YARS1: variants seen among roughly 807,000 people sequenced by gnomAD.
YARS1 encodes tyrosyl-tRNA synthetase 1.
YARS1 carries 36 observed loss-of-function variants against 62.2 expected under a neutral mutation model. That is an observed-to-expected ratio of 0.58 (90% confidence interval 0.44 to 0.76). The LOEUF is 0.76. YARS1 is among the 30% of genes least tolerant of loss of function. The probability of loss-of-function intolerance (pLI) is 0.00; values close to 1 mark genes in which losing one functional copy is unlikely to be tolerated. For synonymous variants in YARS1, 234 were observed against 244.9 expected, an observed-to-expected ratio of 0.96 and a Z score of 0.42; for missense variants, 524 against 639.8, an observed-to-expected ratio of 0.82 and a Z score of 1.95.
intron 4 of YARS1, among the ~76,000 whole-genome samples, chr1:32,798,876 A>G (rs1255222845): frequency 6.6e-6 from 1 of 152,142 alleles, no homozygotes; most frequent in Non-Finnish European, 1.5e-5. Flanking sequence ...GTCACTTATG[A>G]CATGCCAGGC....
At chr1:32,796,998 ATATATATATATATATATATATATATATAT>A (rs1653618394) in intron 5 of YARS1, among the ~76,000 whole-genome samples, 1 of 5,506 alleles carries the variant, frequency 1.8e-4, no homozygotes, top group African/African-American at 9.7e-4. Flanking sequence ...AAAAAAAAAT[ATATATATATATATATATATATATATATAT>A]ATATATATAT....
intron 12 of YARS1, among the ~76,000 whole-genome samples, chr1:32,778,363 G>A (rs554735409): frequency 1.1e-4 from 16 of 152,214 alleles, no homozygotes; most frequent in Admixed American, 7.2e-4. Context: ...AGATGGGCAG[G>A]AGGGACCCTG....
chr1:32,798,009 T>C, intron 4 of YARS1, 166 bp from the exon 5 acceptor site: 1 of 633,006 alleles, frequency 1.6e-6, no homozygotes. Flanking sequence ...TAGTTGGGAT[T>C]ACAGACATGC....
At chr1:32,793,412 G>A (rs749660905) in intron 5 of YARS1, among the ~76,000 whole-genome samples, 1 of 152,178 alleles carries the variant, frequency 6.6e-6, no homozygotes, top group Non-Finnish European at 1.5e-5. Context: ...GGAGGCCAAG[G>A]CAGGCAAAGC....
rs778295682 is a variant in YARS1, at chr1:32,810,758, A to T, written c.213T>A (p.Ile71=). ...GGTATGCGTGGAGGTCCGCAAACAG[A>T]ATTGTTACCTGGACAAGAGATAAGG... is the stretch of plus-strand genomic sequence containing the variant. The part of the protein sequence containing the change: ...DFLKAGCEVT[I]LFADLHAYLD... Residue 71 remains isoleucine, a synonymous_variant, in exon 3 of 13, where the codon ATT becomes ATA. Coordinates refer to ENST00000373477, the MANE Select transcript of YARS1 (RefSeq NM_003680.4). 3.7e-6 allele frequency: 6 copies of T among 1,613,998 alleles called. No individual in the cohort carries two copies. The African/African-American group carries it at 6.7e-5, about 18-fold the overall frequency.
intron 6 of YARS1, among the ~76,000 whole-genome samples, chr1:32,787,723 C>T (rs1653281281): frequency 6.6e-6 from 1 of 151,906 alleles, no homozygotes; most frequent in Admixed American, 6.6e-5. Context: ...CCGTGGTAGC[C>T]AGGATGGTCT....
intron 10 of YARS1, chr1:32,780,647 G>C (rs1653022151): frequency 2.4e-6 from 1 of 415,408 alleles, no homozygotes; most frequent in Admixed American, 3.7e-5. Flanking sequence ...AATGGTCCCA[G>C]GCCACTGGGT....
In YARS1 at chr1:32,776,617, C is replaced by A. The variant is rs1300592522; in HGVS notation, c.1477-526G>T. ...GGCTTATGCATGAAGACATCTGTCA[C>A]ATCTGTCACATCATTCTAACAGTGA... On this transcript the variant is annotated intron_variant, in intron 12 of 12. Transcript: ENST00000373477. The surrounding 1 kb of genome is among the most constrained non-coding windows in gnomAD (Gnocchi z 4.0). Among the ~76,000 whole-genome samples, 3 of 152,220 alleles carry A rather than the reference C, an allele frequency of 2.0e-5. No homozygotes were observed. Among genetic ancestry groups the A allele is most frequent in the African/African-American group, 7.2e-5 (3 of 41,464 alleles).
chr1:32,813,539 C>CA (rs1216419835), intron 1 of YARS1, among the ~76,000 whole-genome samples: 9 of 152,218 alleles, frequency 5.9e-5, no homozygotes, highest in African/African-American at 1.7e-4. Context: ...AGGTTGGTCT[C>CA]AAACTCCTGA....
rs1282472283 is a variant in YARS1 at position 32,787,054 on chromosome 1, C to G, written c.706G>C (p.Asp236His). Residue 236 changes from aspartate (D) to histidine (H), a missense_variant, in exon 7 of 13, where the codon GAT becomes CAT. Coordinates refer to ENST00000373477, the MANE Select transcript of YARS1 (RefSeq NM_003680.4). ...SEEESKIDLL[D>H]RKEDVKKKLK... ...TTTTTCTTCACATCCTCCTTCCGAT[C>G]AAGGAGATCAATCTTGGACTCCTAG... The G allele has an allele frequency of 6.2e-7, 1 of 1,614,180 alleles. No individual in the cohort carries two copies. Among genetic ancestry groups the G allele is most frequent in the East Asian group, 2.2e-5 (1 of 44,886 alleles).
chr1:32,801,946 T>TC (rs1466972875), intron 4 of YARS1, among the ~76,000 whole-genome samples: 2 of 136,576 alleles, frequency 1.5e-5, no homozygotes, highest in African/African-American at 5.6e-5. Context: ...TTATTTCTTT[T>TC]TTTTTTTTTT....
intron 10 of YARS1, chr1:32,780,770 G>A (rs1653026250): frequency 4.0e-6 from 2 of 501,056 alleles, no homozygotes; most frequent in Non-Finnish European, 7.3e-6. Context: ...AGCCGATAGG[G>A]ATCAGGTGAG....
Position 32,777,257 on chromosome 1 carries a change from G to A in YARS1, c.1477-1166C>T, listed in dbSNP as rs537344176. Among the ~76,000 whole-genome samples, 54 of 152,042 alleles carry A rather than the reference G, an allele frequency of 3.6e-4. No individual in the cohort carries two copies. In the East Asian group the frequency reaches 8.0e-3, roughly 22 times the overall value. Reference sequence around the variant, plus strand: ...TTGGTCAGGCTGGTCTCGAACTCCCGCCCTCAGGTGATCTGCCTGCCTTGG... The same window carrying A: ...TTGGTCAGGCTGGTCTCGAACTCCCACCCTCAGGTGATCTGCCTGCCTTGG... On this transcript the variant is annotated intron_variant, in intron 12 of 12. Transcript: ENST00000373477.
chr1:32,781,290 C>A, intron 9 of YARS1, 145 bp from the exon 10 acceptor site: 1 of 726,906 alleles, frequency 1.4e-6, no homozygotes, highest in Non-Finnish European at 2.5e-6. Context: ...TTCTTTAATA[C>A]TGGGTTGGCA....
intron 9 of YARS1, chr1:32,781,980 ATT>A (rs772679724): frequency 3.3e-3 from 471 of 144,022 alleles, no homozygotes; most frequent in South Asian, 8.8e-3. Flanking sequence ...TGCCTGGCTA[ATT>A]TTTTTTTTTT....
intron 3 of YARS1, among the ~76,000 whole-genome samples, chr1:32,808,313 G>A (rs1023798562): frequency 2.0e-5 from 3 of 151,646 alleles, no homozygotes; most frequent in African/African-American, 7.3e-5. Context: ...TCTGCCCCGT[G>A]GGTTCAAGCG....
chr1:32,778,853 C>G (rs2148599096), intron 12 of YARS1, among the ~76,000 whole-genome samples: 1 of 151,784 alleles, frequency 6.6e-6, no homozygotes, highest in Admixed American at 6.6e-5. Flanking sequence ...ATTCTCCTGC[C>G]TCAGCCTCCG....
Position 32,817,198 on chromosome 1 carries a change from C to T in YARS1, c.47G>A (p.Arg16Gln), listed in dbSNP as rs769997873. 9 of 1,614,074 alleles carry T rather than the reference C, an allele frequency of 5.6e-6. No individual in the cohort carries two copies. The Admixed American group carries it at 1.3e-4, about 24-fold the overall frequency. Residue 16 changes from arginine to glutamine, a missense_variant, in exon 1 of 13, where the codon CGG becomes CAG. Physicochemically the swap from Arg to Gln is conservative, Grantham distance 43. Coordinates refer to ENST00000373477, the MANE Select transcript of YARS1 (RefSeq NM_003680.4). ...SPEEKLHLIT[R>Q]NLQEVLGEEK... is the part of the protein sequence containing the mutation. ...ACCCCCAGGCCTGACCTGCAGGTTC[C>T]GGGTGATAAGGTGCAGTTTCTCTTC... is the stretch of plus-strand genomic sequence containing the variant.
At chr1:32,787,166 G>T in intron 6 of YARS1, 91 bp from the exon 7 acceptor site, 16 of 1,499,150 alleles carry the variant, frequency 1.1e-5, no homozygotes, top group Non-Finnish European at 1.4e-5. Flanking sequence ...TTTCTTCTCT[G>T]TCACCCAGGC....
Sources: gnomAD v4.1 joint callset for allele counts (sites outside exome capture counted in the v4.1 genomes callset) on GRCh38, gnomAD v4.1.1 for gene constraint, Gnocchi (gnomAD v3.1) non-coding constraint, MANE v1.5 for transcripts, NCBI Gene and HGNC (gene_info 2026-07-23, HGNC 2026-07-21) for gene names.